Variants in ITPR1 observed in about 807,000 individuals in gnomAD.
ITPR1 encodes the protein inositol 1,4,5-trisphosphate-gated calcium channel ITPR1.
Under a neutral mutation model 318.4 loss-of-function variants are expected in ITPR1, and 96 were observed. The observed-to-expected ratio is 0.30, with a 90% confidence interval of 0.26 to 0.36. The LOEUF (loss-of-function observed/expected upper bound fraction) is 0.36, where lower values mean the gene tolerates loss of function less well. Among genes scored for constraint, ITPR1 ranks in the 10% least tolerant of loss-of-function variants. The probability of loss-of-function intolerance (pLI) is 1.00; values close to 1 mark genes in which losing one functional copy is unlikely to be tolerated. For synonymous variants in ITPR1, 1,312 were observed against 1,289.9 expected (o/e 1.02, Z -0.37); for missense variants, 2,440 against 3,460.2 (o/e 0.71, Z 7.40).
At chr3:4,808,927 A>T (rs1029638646) in intron 55 of ITPR1, among the ~76,000 whole-genome samples, 12 of 152,238 alleles carry the variant, frequency 7.9e-5, no homozygotes, top group African/African-American at 2.4e-5. Context: ...CCTTAGAAAA[A>T]TATTAACACC....
At chr3:4,500,880 G>T (rs1015420206) in intron 2 of ITPR1, among the ~76,000 whole-genome samples, 3 of 152,140 alleles carry the variant, frequency 2.0e-5, no homozygotes, top group Admixed American at 6.5e-5. Flanking sequence ...TTGAAACAGG[G>T]TCTTGCTCTG....
intron 56 of ITPR1, among the ~76,000 whole-genome samples, 157 bp downstream of exon 56, chr3:4,811,617 C>A (rs912000871): frequency 6.6e-6 from 1 of 152,238 alleles, no homozygotes; most frequent in East Asian, 1.9e-4. Context: ...TTCATTCTCA[C>A]AATGAATGTG....
chr3:4,800,100 T>G, intron 53 of ITPR1: 1 of 336,550 alleles, frequency 3.0e-6, no homozygotes, highest in Non-Finnish European at 5.4e-6. Context: ...AAGCAGGGAG[T>G]ACGGAGGAGG....
intron 46 of ITPR1, among the ~76,000 whole-genome samples, chr3:4,774,883 A>T (rs1322804863): frequency 6.6e-6 from 1 of 152,232 alleles, no homozygotes; most frequent in Non-Finnish European, 1.5e-5. Context: ...CGCCCTTGGA[A>T]ATGTCAGATG....
At chr3:4,654,246 C>G (rs1038527067) in intron 12 of ITPR1, among the ~76,000 whole-genome samples, 7 of 152,136 alleles carry the variant, frequency 4.6e-5, no homozygotes, top group African/African-American at 1.7e-4. Context: ...TGACCTCAAT[C>G]CATGACTCAC....
chr3:4,771,602 G>A (rs143328318), intron 46 of ITPR1, among the ~76,000 whole-genome samples: 115 of 152,236 alleles, frequency 7.6e-4, no homozygotes, highest in East Asian at 5.0e-3. Context: ...AGAATTCTCC[G>A]TTGAATCAAT....
At chr3:4,580,358 A>G (rs1216871355) in intron 4 of ITPR1, among the ~76,000 whole-genome samples, 3 of 152,210 alleles carry the variant, frequency 2.0e-5, no homozygotes, top group African/African-American at 7.2e-5. Flanking sequence ...TTTGGTTCAA[A>G]CAAGTGGTTT....
chr3:4,838,773 A>G (rs1328669232), intron 61 of ITPR1, among the ~76,000 whole-genome samples: 1 of 152,160 alleles, frequency 6.6e-6, no homozygotes, highest in East Asian at 1.9e-4. Context: ...CTTTGGGGGT[A>G]TGTTTCAGTT....
At chr3:4,841,403 A>G (rs557269326) in intron 61 of ITPR1, among the ~76,000 whole-genome samples, 1 of 152,350 alleles carries the variant, frequency 6.6e-6, no homozygotes, top group South Asian at 2.1e-4. Flanking sequence ...AGCATGAGCA[A>G]CGGCATGAAA....
chr3:4,784,574 T>C (rs1256078502), intron 51 of ITPR1, among the ~76,000 whole-genome samples: 2 of 146,586 alleles, frequency 1.4e-5, no homozygotes, highest in African/African-American at 4.9e-5. Context: ...TTGTTTTTTT[T>C]TTTTTTTTAA....
chr3:4,761,742 G>A lies in ITPR1; in HGVS notation c.5545-4788G>A, dbSNP rs144274783. Reference sequence around the variant, plus strand: ...AGGCAGTGTAGCGGGTAGAGGGGCCGTGCTTCAGGAGCCTGGGGCGGGGAG... The same window carrying A: ...AGGCAGTGTAGCGGGTAGAGGGGCCATGCTTCAGGAGCCTGGGGCGGGGAG... On this transcript the variant is annotated intron_variant, in intron 44 of 61. Coordinates refer to ENST00000649015, the MANE Select transcript of ITPR1 (RefSeq NM_001378452.1). 5.7e-3 allele frequency among the ~76,000 whole-genome samples: 870 copies of A among 152,314 alleles called. 8 individuals carry two copies. The highest frequency in any genetic ancestry group is 0.02 in the African/African-American group (829 of 41,556).
intron 34 of ITPR1, 125 bp from the exon 35 acceptor site, chr3:4,699,688 G>A: frequency 2.5e-6 from 2 of 804,360 alleles, no homozygotes; most frequent in Non-Finnish European, 4.0e-6. Flanking sequence ...CTTAAGGGGA[G>A]AAATATTGGC....
At chr3:4,725,744 G>C (rs549087288) in intron 41 of ITPR1, among the ~76,000 whole-genome samples, 163 bp downstream of exon 41, 4 of 152,270 alleles carry the variant, frequency 2.6e-5, no homozygotes, top group Admixed American at 2.6e-4. Flanking sequence ...TGCTGACGTG[G>C]ATGTGGCTCT....
chr3:4,642,386 GA>G, intron 7 of ITPR1, 135 bp downstream of exon 7: 1 of 557,034 alleles, frequency 1.8e-6, no homozygotes, highest in Non-Finnish European at 2.8e-6. Context: ...AATTGCTATG[GA>G]AACTAGTGTT....
intron 4 of ITPR1, among the ~76,000 whole-genome samples, chr3:4,616,051 G>A (rs944515682): frequency 2.0e-5 from 3 of 152,170 alleles, no homozygotes; most frequent in Non-Finnish European, 4.4e-5. Context: ...ACTTCAAAAG[G>A]CTACCGTCAT....
chr3:4,680,989 CA>C (rs2094286498), intron 25 of ITPR1, among the ~76,000 whole-genome samples: 1 of 152,054 alleles, frequency 6.6e-6, no homozygotes, highest in South Asian at 2.1e-4. Flanking sequence ...AAAACAGTAA[CA>C]AAAAACTCTC....
At position 4,693,645 on chromosome 3, in the gene ITPR1, G is replaced by A. The variant is rs748093001; in HGVS notation, c.4185G>A (p.Thr1395=). ...TGGTCGAGCTCCTGGCTGTGTGCAC[G>A]GAGGGTAAGAATGTCTACACAGAGA... ...IHLVELLAVC[T]EGKNVYTEIK... is the part of the protein sequence containing the mutation. The change falls in exon 33 of 62, where the codon ACG becomes ACA. Residue 1395 remains threonine, a synonymous_variant. Transcript: ENST00000649015. 11 of 1,614,014 alleles carry A rather than the reference G, an allele frequency of 6.8e-6. No homozygotes were observed. The highest frequency in any genetic ancestry group is 2.7e-5 in the African/African-American group (2 of 75,050).
chr3:4,655,289 G>A (rs2093680593), intron 12 of ITPR1, among the ~76,000 whole-genome samples: 1 of 152,186 alleles, frequency 6.6e-6, no homozygotes, highest in Non-Finnish European at 1.5e-5. Context: ...TAGGCAAGCT[G>A]TGGATCCTTT....
chr3:4,808,159 T>C lies in ITPR1; in HGVS notation c.7272+1892T>C, dbSNP rs115638284. ...ATAGGCCTCACAGTCAGGAGCACAT[T>C]ACAGGGACAGCCGTTTTGTGAGTGG... On this transcript the variant is annotated intron_variant, in intron 55 of 61. Coordinates refer to ENST00000649015, the MANE Select transcript of ITPR1 (RefSeq NM_001378452.1). 2.9e-3 allele frequency among the ~76,000 whole-genome samples: 442 copies of C among 152,338 alleles called. 2 individuals are homozygous for C. The highest frequency in any genetic ancestry group is 0.01 in the African/African-American group (424 of 41,582).
Sources: allele counts gnomAD v4.1 joint callset (sites outside exome capture counted in the v4.1 genomes callset), GRCh38; gene constraint gnomAD v4.1.1; transcripts MANE v1.5; gene names NCBI Gene and HGNC (gene_info 2026-07-23, HGNC 2026-07-21).